Variants in EBF1 observed in about 807,000 individuals in gnomAD.
EBF1 encodes EBF transcription factor 1, also known as transcription factor COE1.
Under a neutral mutation model 68.4 loss-of-function variants are expected in EBF1, and 10 were observed. The ratio of observed to expected loss-of-function variants is 0.15; its 90% CI spans 0.09 to 0.25. The LOEUF (loss-of-function observed/expected upper bound fraction) is 0.25. Ranked by LOEUF, EBF1 falls within the 10% of genes least tolerant of loss-of-function variation. The probability of loss-of-function intolerance (pLI) is 1.00; values close to 1 mark genes in which losing one functional copy is unlikely to be tolerated. For missense variants in EBF1, 509 were observed against 794.4 expected, an observed-to-expected ratio of 0.64 and a Z score of 4.32; for synonymous variants, 298 against 299.8, an observed-to-expected ratio of 0.99 and a Z score of 0.06.
chr5:158,885,818 T>C (rs774035813), intron 6 of EBF1, among the ~76,000 whole-genome samples: 13 of 152,250 alleles, frequency 8.5e-5, no homozygotes, highest in Non-Finnish European at 1.6e-4. Context: ...CATTATTCTC[T>C]GCCATGATGT....
intron 6 of EBF1, among the ~76,000 whole-genome samples, chr5:158,889,095 C>G (rs778304556): frequency 6.6e-6 from 1 of 152,114 alleles, no homozygotes; most frequent in Non-Finnish European, 1.5e-5. Flanking sequence ...GTAACACTAC[C>G]AAAACTACCC....
chr5:159,084,614 C>G, intron 5 of EBF1, 52 bp downstream of exon 5: 1 of 1,397,022 alleles, frequency 7.2e-7, no homozygotes, highest in Non-Finnish European at 9.5e-7. Context: ...ATTTGAAATG[C>G]AAATTCATCT....
intron 6 of EBF1, among the ~76,000 whole-genome samples, chr5:158,904,626 A>C (rs565598986): frequency 6.6e-6 from 1 of 152,332 alleles, no homozygotes; most frequent in African/African-American, 2.4e-5. Context: ...TTAGAAAGGA[A>C]CTGAATTTGA....
chr5:158,763,333 A>G (rs2127624725), intron 10 of EBF1, among the ~76,000 whole-genome samples: 1 of 152,322 alleles, frequency 6.6e-6, no homozygotes, highest in East Asian at 1.9e-4. Flanking sequence ...ACCAGTTCCA[A>G]TGAGGTCTTC....
At chr5:158,864,770 C>A (rs935056044) in intron 6 of EBF1, among the ~76,000 whole-genome samples, 1 of 152,060 alleles carries the variant, frequency 6.6e-6, no homozygotes, top group Non-Finnish European at 1.5e-5. Flanking sequence ...AAGAAGGAGC[C>A]CAGCCATGCC....
intron 4 of EBF1, among the ~76,000 whole-genome samples, chr5:159,086,850 A>T (rs6894589): frequency 0.52 from 78,703 of 151,956 alleles, 22,176 homozygotes; most frequent in African/African-American, 0.76. Flanking sequence ...AGTTTCAGCA[A>T]GCATTGATTA....
chr5:158,823,210 G>T lies in EBF1; in HGVS notation c.744C>A (p.Asp248Glu), dbSNP rs1785243853. 1 of 1,613,872 alleles carries T rather than the reference G, an allele frequency of 6.2e-7. No individual in the cohort carries two copies. The highest frequency in any genetic ancestry group is 1.1e-5 in the South Asian group (1 of 91,082). The change falls in exon 8 of 16, where the codon GAC (aspartate) becomes GAA (glutamate). Residue 248 changes from aspartate to glutamate, a missense_variant. By Grantham distance (45) the Asp-to-Glu change is conservative. This residue lies in a region of EBF1 where 230 missense variants were observed against 467.7 expected (regional missense o/e 0.49). Coordinates refer to ENST00000313708, the MANE Select transcript of EBF1 (RefSeq NM_024007.5). ...GATAAGAGGGCGTACCTTCCGAGGGGTCAAGCCTCCGAGCCCTCCGCCCAT... is the reference window on the plus strand; with the variant it reads ...GATAAGAGGGCGTACCTTCCGAGGGTTCAAGCCTCCGAGCCCTCCGCCCAT... ...SKHGRRARRL[D>E]PSEGTPSYLE...
At chr5:158,744,913 T>C (rs1767213811) in intron 10 of EBF1, among the ~76,000 whole-genome samples, 1 of 152,222 alleles carries the variant, frequency 6.6e-6, no homozygotes, top group Non-Finnish European at 1.5e-5. Flanking sequence ...TGTTTTCTGC[T>C]GACACTCTTA....
At chr5:158,750,559 C>T (rs372824753) in intron 10 of EBF1, among the ~76,000 whole-genome samples, 57 of 152,020 alleles carry the variant, frequency 3.7e-4, no homozygotes, top group African/African-American at 1.3e-3. Flanking sequence ...AAAAGTATGG[C>T]TGATTGTATT....
At chr5:158,860,102 C>T (rs1056977719) in intron 6 of EBF1, among the ~76,000 whole-genome samples, 2 of 152,144 alleles carry the variant, frequency 1.3e-5, no homozygotes, top group African/African-American at 4.8e-5. Context: ...CTTCTAGTTC[C>T]GCACCTACTA....
intron 6 of EBF1, among the ~76,000 whole-genome samples, chr5:159,032,637 AGTCT>A (rs1317929809): frequency 6.6e-6 from 1 of 152,218 alleles, no homozygotes; most frequent in African/African-American, 2.4e-5. Context: ...CATAAACCAG[AGTCT>A]GTCTGTCTCC....
chr5:159,094,264 C>G (rs186230779), intron 4 of EBF1, among the ~76,000 whole-genome samples: 57 of 143,096 alleles, frequency 4.0e-4, no homozygotes, highest in Non-Finnish European at 7.1e-4. Context: ...AAAACCAAGA[C>G]CAAAAATTAT....
At chr5:158,882,008 A>T (rs969813015) in intron 6 of EBF1, among the ~76,000 whole-genome samples, 1 of 152,232 alleles carries the variant, frequency 6.6e-6, no homozygotes, top group Non-Finnish European at 1.5e-5. Context: ...ATTTGCAAAG[A>T]AGGAGTTGTG....
chr5:158,930,393 A>G (rs1810606327), intron 6 of EBF1, among the ~76,000 whole-genome samples: 1 of 152,118 alleles, frequency 6.6e-6, no homozygotes, highest in Admixed American at 6.6e-5. Context: ...TCAACAAGAT[A>G]TGGGTAAAAA....
intron 6 of EBF1, among the ~76,000 whole-genome samples, chr5:158,902,573 T>A (rs1803640586): frequency 6.6e-6 from 1 of 150,410 alleles, no homozygotes; most frequent in Non-Finnish European, 1.5e-5. Flanking sequence ...ACTACAGGCA[T>A]GCACCACCAC....
intron 6 of EBF1, among the ~76,000 whole-genome samples, chr5:158,913,971 C>T (rs898991982): frequency 6.6e-6 from 1 of 152,206 alleles, no homozygotes; most frequent in Non-Finnish European, 1.5e-5. Flanking sequence ...CTGGCAGATG[C>T]TTTCTTCAGA....
chr5:158,994,862 C>T (rs571057101), intron 6 of EBF1, among the ~76,000 whole-genome samples: 21 of 152,264 alleles, frequency 1.4e-4, no homozygotes, highest in African/African-American at 5.1e-4. Context: ...TGCCAAACAA[C>T]AAAGTTCTCT....
chr5:158,728,041 G>T (rs1001260119), intron 11 of EBF1, among the ~76,000 whole-genome samples: 7 of 152,216 alleles, frequency 4.6e-5, no homozygotes, highest in African/African-American at 1.4e-4. Flanking sequence ...GACAAACACT[G>T]ACCATGATCC....
rs191216302 is a variant in EBF1, at chr5:158,700,983, A to G, written c.1745-1841T>C. Reference sequence around the variant, plus strand: ...CTGAAACCAGGAGCTCAGTATTTCAATCCAAGCCTTAACTGGAGAATTCGA... The same window carrying G: ...CTGAAACCAGGAGCTCAGTATTTCAGTCCAAGCCTTAACTGGAGAATTCGA... On this transcript the variant is annotated intron_variant, in intron 15 of 15. Transcript: ENST00000313708. Among the ~76,000 whole-genome samples the G allele has an allele frequency of 1.9e-4, 29 of 152,286 alleles. 1 individual carries two copies. In the East Asian group the frequency reaches 5.6e-3, roughly 29 times the overall value.
Sources: gnomAD v4.1 joint callset for allele counts (sites outside exome capture counted in the v4.1 genomes callset) on GRCh38, gnomAD v4.1.1 for gene constraint, gnomAD v4.1.1 regional missense constraint, MANE v1.5 for transcripts, NCBI Gene and HGNC (gene_info 2026-07-23, HGNC 2026-07-21) for gene names.